Variants in FAM53C observed in about 807,000 individuals in gnomAD.
FAM53C encodes the protein family with sequence similarity 53 member C.
FAM53C carries 10 observed loss-of-function variants against 34.7 expected under a neutral mutation model. The ratio of observed to expected loss-of-function variants is 0.29; its 90% confidence interval spans 0.18 to 0.49. The LOEUF is 0.49. Ranked by LOEUF, FAM53C falls within the 20% of genes least tolerant of loss-of-function variation. The pLI is 0.99. For missense variants in FAM53C, 442 were observed against 515.3 expected (o/e 0.86, Z 1.38); for synonymous variants, 203 against 203.6 (o/e 1.00, Z 0.03).
rs1761202591 is a variant in FAM53C, at chr5:138,347,115, G to A, written c.*156G>A. ...GAAATCTTCTCGCTCCAGCAAGCTC[G>A]ACCATGCCAAGAGACTGGCCGGGAC... On this transcript the variant is annotated 3_prime_UTR_variant, in exon 5 of 5. Coordinates refer to ENST00000239906, the MANE Select transcript of FAM53C (RefSeq NM_016605.3). 6.6e-6 allele frequency: 7 copies of A among 1,059,094 alleles called. No individual in the cohort carries two copies. The highest frequency in any genetic ancestry group is 4.7e-5 in the Admixed American group (2 of 42,348). The allele number at this position is 1,059,094 out of a possible 1,614,324, so 65.6% of individuals were successfully genotyped here.
intron 1 of FAM53C, 61 bp downstream of exon 1, chr5:138,338,368 C>G (rs959643158): frequency 2.5e-6 from 1 of 397,920 alleles, no homozygotes; most frequent in African/African-American, 2.1e-5. Context: ...CCGTCCCTCC[C>G]TCCTTCCCTC....
In FAM53C at chr5:138,345,301, C is replaced by A. The variant is rs1390844164; in HGVS notation, c.613C>A (p.Pro205Thr). 2 of 1,614,242 alleles carry A rather than the reference C, an allele frequency of 1.2e-6. No individual in the cohort carries two copies. Among genetic ancestry groups the A allele is most frequent in the South Asian group, 1.1e-5 (1 of 91,084 alleles). Residue 205 changes from proline (P) to threonine (T), a missense_variant, in exon 4 of 5, where the codon CCC (proline) becomes ACC (threonine). Pro to Thr is a conservative substitution (Grantham distance 38). Transcript: ENST00000239906. The surrounding 1 kb of genome is among the most constrained non-coding windows in gnomAD (Gnocchi z 6.3). ...GGCCCTGGCCCAAGATTCCTCTCGA[C>A]CCTGCGCCGCCTCCCCTCAAAGTGG... is the stretch of plus-strand genomic sequence containing the variant. The part of the protein sequence containing the change: ...SLALAQDSSR[P>T]CAASPQSGSW...
upstream of FAM53C, chr5:138,338,170 G>GA (rs930943140): frequency 1.7e-4 from 213 of 1,289,502 alleles, no homozygotes; most frequent in Non-Finnish European, 2.1e-4. Context: ...GGCTTGGGGG[G>GA]ATTCTGCGAG....
intron 3 of FAM53C, among the ~76,000 whole-genome samples, chr5:138,344,419 TG>T (rs1232212731): frequency 6.6e-6 from 1 of 152,098 alleles, no homozygotes; most frequent in Non-Finnish European, 1.5e-5. Flanking sequence ...AGGGCAAGCG[TG>T]GGGGAGGGGC....
intron 3 of FAM53C, among the ~76,000 whole-genome samples, 168 bp from the exon 4 acceptor site, chr5:138,344,657 T>C (rs772019773): frequency 1.1e-4 from 16 of 152,236 alleles, no homozygotes; most frequent in Non-Finnish European, 2.1e-4. Flanking sequence ...GGGAAAGTTA[T>C]TGAATTTCTC....
rs1202208737 is a variant in FAM53C, at chr5:138,345,558, G to A, written c.870G>A (p.Glu290=). The A allele has an allele frequency of 2.1e-5, 34 of 1,613,766 alleles. No homozygotes were observed. The highest frequency in any genetic ancestry group is 2.9e-5 in the Non-Finnish European group (34 of 1,180,036). Reference sequence around the variant, plus strand: ...AAACTGGGGTCAAGCGGCGCCACGAGGAAGACCCCCGGCGTCTGCGGCCTT... The same window carrying A: ...AAACTGGGGTCAAGCGGCGCCACGAAGAAGACCCCCGGCGTCTGCGGCCTT... The part of the protein sequence containing the change: ...ARKTGVKRRH[E]EDPRRLRPSL... The change falls in exon 4 of 5, where the codon GAG becomes GAA. Residue 290 remains glutamate (E), a synonymous_variant. Coordinates refer to ENST00000239906, the MANE Select transcript of FAM53C (RefSeq NM_016605.3). The surrounding 1 kb of genome is among the most constrained non-coding windows in gnomAD (Gnocchi z 6.3).
intron 1 of FAM53C, 180 bp downstream of exon 1, chr5:138,338,487 G>C (rs546080137): frequency 3.2e-6 from 1 of 308,924 alleles, no homozygotes; most frequent in East Asian, 1.3e-4. Context: ...CTAAGTCCCA[G>C]ACCCTCCCCA....
Position 138,346,718 on chromosome 5 carries a change from G to A in FAM53C, c.938G>A (p.Gly313Asp), listed in dbSNP as rs1761188021. The A allele has an allele frequency of 6.2e-7, 1 of 1,614,060 alleles. No individual in the cohort carries two copies. Among genetic ancestry groups the A allele is most frequent in the Admixed American group, 1.7e-5 (1 of 60,000 alleles). The part of the protein sequence containing the change: ...DKMNQKPYSG[G>D]LCLQETAREG... Reference sequence around the variant, plus strand: ...GTTTGACAGAAACCATACTCAGGAGGTCTTTGTCTCCAAGAAACAGCCCGG... The same window carrying A: ...GTTTGACAGAAACCATACTCAGGAGATCTTTGTCTCCAAGAAACAGCCCGG... Residue 313 changes from glycine (G) to aspartate (D), a missense_variant, in exon 5 of 5, where the codon GGT (glycine) becomes GAT (aspartate). Coordinates refer to ENST00000239906, the MANE Select transcript of FAM53C (RefSeq NM_016605.3).
At chr5:138,338,119 C>T (rs1760846235), upstream of FAM53C, 1 of 1,289,676 alleles carries the variant, frequency 7.8e-7, no homozygotes, top group African/African-American at 1.5e-5. Flanking sequence ...CCGAGAGACA[C>T]TTTGAGAGAG....
chr5:138,337,893 C>G, upstream of FAM53C: 4 of 1,188,110 alleles, frequency 3.4e-6, no homozygotes, highest in South Asian at 3.8e-5. Flanking sequence ...CGGCCCGAAC[C>G]GAGTGGGAGG....
At chr5:138,344,700 C>T (rs1332170180) in intron 3 of FAM53C, 125 bp from the exon 4 acceptor site, 2 of 736,172 alleles carry the variant, frequency 2.7e-6, no homozygotes, top group Admixed American at 3.3e-5. Context: ...GATAACGATA[C>T]TACCTACCTC....
At chr5:138,337,647 A>G, upstream of FAM53C, 1 of 310,680 alleles carries the variant, frequency 3.2e-6, no homozygotes, top group Admixed American at 5.1e-5. Context: ...CCAAGTGGAA[A>G]CGTCCCCGCA....
upstream of FAM53C, chr5:138,337,939 G>A: frequency 7.8e-7 from 1 of 1,288,016 alleles, no homozygotes; most frequent in Non-Finnish European, 1.0e-6. Context: ...GAGGGCAGGG[G>A]CGATGCCTTT....
At position 138,346,986 on chromosome 5, in the gene FAM53C, C is replaced by T; in HGVS notation, c.*27C>T. On this transcript the variant is annotated 3_prime_UTR_variant, in exon 5 of 5. Coordinates refer to ENST00000239906, the MANE Select transcript of FAM53C (RefSeq NM_016605.3). ...ACTGAGAGGCTACTTCCTGGGGCCACACAGACTGACTCTCTCATGGCTACT... is the reference window on the plus strand; with the variant it reads ...ACTGAGAGGCTACTTCCTGGGGCCATACAGACTGACTCTCTCATGGCTACT... 6.2e-7 allele frequency: 1 copy of T among 1,613,150 alleles called. No homozygotes were observed. The highest frequency in any genetic ancestry group is 1.7e-5 in the Admixed American group (1 of 59,996).
At chr5:138,346,247 A>G (rs1370405828) in intron 4 of FAM53C, among the ~76,000 whole-genome samples, 1 of 152,244 alleles carries the variant, frequency 6.6e-6, no homozygotes, top group Non-Finnish European at 1.5e-5. Context: ...GTACAAAGTA[A>G]TGAAACACTG....
intron 3 of FAM53C, 55 bp downstream of exon 3, chr5:138,341,921 A>C (rs1445184906): frequency 6.4e-7 from 1 of 1,559,396 alleles, no homozygotes; most frequent in African/African-American, 1.4e-5. Context: ...CTCTCCACAC[A>C]TTTCTATCAT....
Position 138,345,567 on chromosome 5 carries a change from C to T in FAM53C, c.879C>T (p.Pro293=), listed in dbSNP as rs200048467. The T allele has an allele frequency of 1.2e-6, 2 of 1,613,694 alleles. No homozygotes were observed. Among genetic ancestry groups the T allele is most frequent in the East Asian group, 4.5e-5 (2 of 44,880 alleles). Residue 293 remains proline, a synonymous_variant, in exon 4 of 5, where the codon CCC becomes CCT. Coordinates refer to ENST00000239906, the MANE Select transcript of FAM53C (RefSeq NM_016605.3). The surrounding 1 kb of genome is among the most constrained non-coding windows in gnomAD (Gnocchi z 6.3). ...TCAAGCGGCGCCACGAGGAAGACCC[C>T]CGGCGTCTGCGGCCTTCGTTGGACT... ...TGVKRRHEED[P]RRLRPSLDFD...
chr5:138,338,384 C>T (rs1041564059), intron 1 of FAM53C, 77 bp downstream of exon 1: 3 of 366,982 alleles, frequency 8.2e-6, no homozygotes, highest in Non-Finnish European at 1.6e-5. Context: ...CCCTCTTTCC[C>T]CTCCCCCAGC....
In FAM53C at chr5:138,341,202, G is replaced by C. The variant is rs778274982; in HGVS notation, c.-134G>C. The C allele has an allele frequency of 3.7e-6, 3 of 800,906 alleles. No homozygotes were observed. Among genetic ancestry groups the C allele is most frequent in the Non-Finnish European group, 6.8e-6 (3 of 442,474 alleles). 49.6% of individuals were successfully genotyped at this position (800,906 alleles called of 1,614,324 possible). A position where few individuals can be genotyped will look rare whatever the true frequency, so the allele number is the denominator to read the frequency against. On this transcript the variant is annotated 5_prime_UTR_variant, in exon 2 of 5. Transcript: ENST00000239906. The stretch of plus-strand genomic sequence containing the variant: ...TTGGCAGACTCAGCAGGCATGACTG[G>C]AGAGGGAAGTCCCAATGGTGCTAGA...
Sources: allele counts gnomAD v4.1 joint callset (sites outside exome capture counted in the v4.1 genomes callset), GRCh38; gene constraint gnomAD v4.1.1; non-coding constraint Gnocchi (gnomAD v3.1); transcripts MANE v1.5; gene names NCBI Gene and HGNC (gene_info 2026-07-23, HGNC 2026-07-21).